Variants in CD109 observed in about 807,000 individuals in gnomAD.
CD109 encodes CD109 antigen.
A neutral mutation model predicts 165.8 loss-of-function variants in CD109; 149 were observed. That is an observed-to-expected ratio of 0.90 (90% CI 0.79 to 1.03). CD109 has a LOEUF of 1.03. CD109 is among the 50% of genes least tolerant of loss of function. The pLI is 0.00. For missense variants in CD109, 1,712 were observed against 1,677.8 expected, an observed-to-expected ratio of 1.02 and a Z score of -0.36; for synonymous variants, 585 against 592.1, an observed-to-expected ratio of 0.99 and a Z score of 0.18.
intron 23 of CD109, among the ~76,000 whole-genome samples, chr6:73,793,546 C>T (rs564806426): frequency 6.6e-6 from 1 of 152,256 alleles, no homozygotes; most frequent in South Asian, 2.1e-4. Context: ...AGCTGAGGTG[C>T]AGAAAAGTTA....
At chr6:73,819,600 GTC>G (rs2150311160) in intron 31 of CD109, among the ~76,000 whole-genome samples, 1 of 152,282 alleles carries the variant, frequency 6.6e-6, no homozygotes, top group South Asian at 2.1e-4. Context: ...TTCTTGAATG[GTC>G]TCATTTGTTT....
At position 73,802,257 on chromosome 6, in the gene CD109, ATGTGTGTGTGTG is replaced by A. The variant is rs533767572; in HGVS notation, c.2879-941_2879-930del. Among the ~76,000 whole-genome samples the A allele has an allele frequency of 2.5e-3, 252 of 100,344 alleles. 5 individuals are homozygous for A. The highest frequency in any genetic ancestry group is 0.022 in the East Asian group (65 of 2,912). 65.8% of individuals were successfully genotyped at this position (100,344 alleles called of 152,430 possible). On this transcript the variant is annotated intron_variant, in intron 23 of 32. Transcript: ENST00000287097. ...CATTGCCACCACTGAGCATGTGTAT[ATGTGTGTGTGTG>A]TGTGTGTGTGTGTGTGTGTGTATAT...
intron 2 of CD109, among the ~76,000 whole-genome samples, chr6:73,707,274 G>A (rs1771312010): frequency 6.6e-6 from 1 of 152,160 alleles, no homozygotes; most frequent in South Asian, 2.1e-4. Context: ...TTTATTTATG[G>A]ATCAGTTGAA....
At chr6:73,750,071 G>A (rs73458395) in intron 5 of CD109, among the ~76,000 whole-genome samples, 6,879 of 152,138 alleles carry the variant, frequency 0.045, 381 homozygotes, top group African/African-American at 0.12. Flanking sequence ...GGGGGACTGC[G>A]GTAAGAGAGC....
intron 5 of CD109, among the ~76,000 whole-genome samples, chr6:73,737,861 C>A (rs1040081949): frequency 6.6e-6 from 1 of 151,412 alleles, no homozygotes; most frequent in African/African-American, 2.4e-5. Context: ...GATTAGGAAG[C>A]ACGTTGTGAG....
At chr6:73,680,678 G>A in the CD109 span, among the ~76,000 whole-genome samples, 3 of 152,208 alleles carry the variant, frequency 2.0e-5, no homozygotes, top group African/African-American at 7.2e-5. Context: ...CTTCCTTCCT[G>A]CAAAGAGGTG....
intron 2 of CD109, among the ~76,000 whole-genome samples, chr6:73,714,334 T>C (rs926278311): frequency 2.6e-5 from 4 of 152,224 alleles, no homozygotes; most frequent in Non-Finnish European, 5.9e-5. Flanking sequence ...CTGTATTATG[T>C]GACTGATTGA....
chr6:73,778,213 T>G (rs1774334362), intron 15 of CD109, among the ~76,000 whole-genome samples: 1 of 152,188 alleles, frequency 6.6e-6, no homozygotes, highest in Non-Finnish European at 1.5e-5. Context: ...CTGCTGTGTG[T>G]TGTTGGTGTA....
intron 15 of CD109, among the ~76,000 whole-genome samples, chr6:73,779,335 G>A (rs1421166900): frequency 1.3e-5 from 2 of 149,746 alleles, no homozygotes; most frequent in East Asian, 2.0e-4. Context: ...TGCAACCTCC[G>A]CCTCCCGGGT....
chr6:73,700,806 T>G (rs1215641513), intron 2 of CD109, among the ~76,000 whole-genome samples: 2 of 131,318 alleles, frequency 1.5e-5, no homozygotes, highest in Admixed American at 7.5e-5. Flanking sequence ...TTTTTTTTTT[T>G]TTTTTTTTTT....
chr6:73,679,235 G>T, the CD109 span, among the ~76,000 whole-genome samples: 1 of 152,134 alleles, frequency 6.6e-6, no homozygotes, highest in Non-Finnish European at 1.5e-5. Context: ...AACAACGCAG[G>T]CTCAGGGTGA....
rs1582218536 is a variant in CD109 at position 73,823,560 on chromosome 6, G to T, written c.4265G>T (p.Gly1422Val). 1 of 1,613,752 alleles carries T rather than the reference G, an allele frequency of 6.2e-7. No homozygotes were observed. The highest frequency in any genetic ancestry group is 1.1e-5 in the South Asian group (1 of 91,054). ...GCRPCEDGAS[G>V]SHHHSSVIFI... ...CGTCCTTGTGAGGATGGAGCTTCAG[G>T]CTCCCATCATCACTCTTCAGTCATT... Residue 1422 changes from glycine to valine, a missense_variant, in exon 33 of 33, where the codon GGC becomes GTC. Transcript: ENST00000287097.
At chr6:73,724,849 G>A (rs1435073967) in intron 3 of CD109, among the ~76,000 whole-genome samples, 6 of 151,954 alleles carry the variant, frequency 3.9e-5, no homozygotes, top group Admixed American at 3.9e-4. Context: ...CATCCCTCCT[G>A]CCTTGGTCCC....
At chr6:73,815,291 C>T (rs1052755168) in intron 30 of CD109, among the ~76,000 whole-genome samples, 168 bp downstream of exon 30, 1 of 152,108 alleles carries the variant, frequency 6.6e-6, no homozygotes, top group Non-Finnish European at 1.5e-5. Flanking sequence ...TATATTCAAG[C>T]ATTTATTAGA....
chr6:73,730,346 AC>A lies in CD109; in HGVS notation c.281del (p.Pro94LeufsTer2). 1 of 1,591,514 alleles carries A rather than the reference AC, an allele frequency of 6.3e-7. No homozygotes were observed. The highest frequency in any genetic ancestry group is 2.2e-5 in the East Asian group (1 of 44,686). ...SFKTLTLPSL[P>X]LNSADEIYEL... ...GTGTGATCTCTTTTTCCCCCCAGCT[AC>A]CTCTGAACAGTGCAGATGAGATTTA... On this transcript the variant is annotated frameshift_variant, in exon 4 of 33. Transcript: ENST00000287097. LOFTEE classifies it high-confidence loss of function.
chr6:73,771,964 G>T (rs1294395388), intron 15 of CD109, among the ~76,000 whole-genome samples: 1 of 152,106 alleles, frequency 6.6e-6, no homozygotes. Flanking sequence ...CAAGGTGATA[G>T]ATATGTTAAT....
Position 73,812,210 on chromosome 6 carries a change from T to A in CD109, c.3708T>A (p.Ala1236=). ...NRLLLQTAEL[A]VVQPTAVNIS... is the part of the protein sequence containing the mutation. ...TTTTTTTCACCTTGATTCAGCTTGC[T>A]GTGGTACAGCCAACGGCAGTTAATA... is the stretch of plus-strand genomic sequence containing the variant. The change falls in exon 29 of 33, where the codon GCT becomes GCA. Residue 1236 remains alanine, a synonymous_variant. Coordinates refer to ENST00000287097, the MANE Select transcript of CD109 (RefSeq NM_133493.5). 1 of 1,609,158 alleles carries A rather than the reference T, an allele frequency of 6.2e-7. No homozygotes were observed. The highest frequency in any genetic ancestry group is 8.5e-7 in the Non-Finnish European group (1 of 1,176,672).
chr6:73,791,239 G>A lies in CD109; in HGVS notation c.2702-1387G>A, dbSNP rs1217878021. Reference sequence around the variant, plus strand: ...TATATATAATTTTTTTTTGGAAGAGGCAGGGTTTAGCTATGTTTGCCCCAG... The same window carrying A: ...TATATATAATTTTTTTTTGGAAGAGACAGGGTTTAGCTATGTTTGCCCCAG... On this transcript the variant is annotated intron_variant, in intron 22 of 32. Coordinates refer to ENST00000287097, the MANE Select transcript of CD109 (RefSeq NM_133493.5). 3.3e-4 allele frequency among the ~76,000 whole-genome samples: 39 copies of A among 119,970 alleles called. No homozygotes were observed. The East Asian group carries it at 7.7e-3, about 24-fold the overall frequency. The allele number at this position is 119,970 out of a possible 152,430, so 78.7% of individuals were successfully genotyped here.
In CD109 at chr6:73,766,047, A is replaced by T; in HGVS notation, c.1225A>T (p.Asn409Tyr). 6.2e-7 allele frequency: 1 copy of T among 1,614,050 alleles called. No homozygotes were observed. The highest frequency in any genetic ancestry group is 2.2e-5 in the East Asian group (1 of 44,872). The change falls in exon 11 of 33, where the codon AAT becomes TAT. Residue 409 changes from asparagine to tyrosine, a missense_variant. By Grantham distance (143) the Asn-to-Tyr change is moderately radical. Transcript: ENST00000287097. ...TEYWSGSNSG[N>Y]QKMEAVQKIN... is the part of the protein sequence containing the mutation. ...GTACTGGAGCGGATCTAACAGTGGA[A>T]ATCAGAAAATGGAAGCTGTTCAGAA...
Sources: gnomAD v4.1 joint callset for allele counts (sites outside exome capture counted in the v4.1 genomes callset) on GRCh38, gnomAD v4.1.1 for gene constraint, MANE v1.5 for transcripts, NCBI Gene and HGNC (gene_info 2026-07-23, HGNC 2026-07-21) for gene names.